The following ADAMTSL1 variants were observed in gnomAD, a reference collection of about 807,000 sequenced individuals.
ADAMTSL1 encodes the protein ADAMTS like 1, also known as ADAMTS-like protein 1.
A neutral mutation model predicts 201.8 loss-of-function variants in ADAMTSL1; 126 were observed. The ratio of observed to expected loss-of-function variants is 0.62; its 90% CI spans 0.54 to 0.72. ADAMTSL1 has a LOEUF of 0.72. Ranked by LOEUF, ADAMTSL1 falls within the 30% of genes least tolerant of loss-of-function variation. ADAMTSL1 has a pLI of 0.00. For synonymous variants in ADAMTSL1, 1,121 were observed against 903.4 expected, an observed-to-expected ratio of 1.24 and a Z score of -4.32; for missense variants, 2,679 against 2,277.8, an observed-to-expected ratio of 1.18 and a Z score of -3.59.
chr9:18,638,573 A>G (rs1587764286), intron 6 of ADAMTSL1, among the ~76,000 whole-genome samples: 1 of 152,136 alleles, frequency 6.6e-6, no homozygotes, highest in Non-Finnish European at 1.5e-5. Context: ...AGGCTTTGTC[A>G]TTGGCCAAAT....
intron 3 of ADAMTSL1, among the ~76,000 whole-genome samples, chr9:18,548,816 AAAAT>A (rs1268815823): frequency 1.3e-5 from 2 of 152,054 alleles, no homozygotes; most frequent in Admixed American, 6.6e-5. Context: ...ATAGATGAAG[AAAAT>A]AAATTATTAG....
chr9:18,889,214 A>T (rs3780222), intron 24 of ADAMTSL1, among the ~76,000 whole-genome samples: 90,955 of 152,118 alleles, frequency 0.6, 27,470 homozygotes, highest in African/African-American at 0.67. Context: ...ATGAGGAAAA[A>T]AAAGTACTGT....
At chr9:18,498,724 T>C (rs954374996) in intron 1 of ADAMTSL1, among the ~76,000 whole-genome samples, 8 of 152,198 alleles carry the variant, frequency 5.3e-5, no homozygotes, top group Non-Finnish European at 8.8e-5. Context: ...GGAAAGTCCG[T>C]CTCACTCTAA....
chr9:18,656,987 A>T (rs1828726538), intron 7 of ADAMTSL1, among the ~76,000 whole-genome samples: 1 of 152,226 alleles, frequency 6.6e-6, no homozygotes, highest in Non-Finnish European at 1.5e-5. Context: ...TTTAAAAGCA[A>T]ATAAATTGTT....
chr9:17,938,416 A>C (rs1469770538), intron 1 of ADAMTSL1, among the ~76,000 whole-genome samples: 1 of 152,146 alleles, frequency 6.6e-6, no homozygotes, highest in Non-Finnish European at 1.5e-5. Context: ...AGATACCCCC[A>C]GGTACTATGC....
chr9:18,423,493 A>T (rs1819056639), intron 2 of ADAMTSL1, among the ~76,000 whole-genome samples: 1 of 152,216 alleles, frequency 6.6e-6, no homozygotes, highest in African/African-American at 2.4e-5. Context: ...TTGAGAGAGA[A>T]GTCATTTAAG....
chr9:18,776,623 C>G (rs3802338), intron 18 of ADAMTSL1, among the ~76,000 whole-genome samples, 158 bp from the exon 19 acceptor site: 1 of 152,172 alleles, frequency 6.6e-6, no homozygotes, highest in East Asian at 1.9e-4. Flanking sequence ...AAATAAACCC[C>G]GAAGAATACT....
chr9:18,688,540 T>C (rs1830984186), intron 13 of ADAMTSL1, among the ~76,000 whole-genome samples: 1 of 149,492 alleles, frequency 6.7e-6, no homozygotes, highest in Non-Finnish European at 1.5e-5. Context: ...TGGTGGTGTG[T>C]GCCTATATTC....
intron 2 of ADAMTSL1, among the ~76,000 whole-genome samples, chr9:18,385,637 G>A (rs1837761956): frequency 6.6e-6 from 1 of 152,136 alleles, no homozygotes. Context: ...AATGTTAGCT[G>A]TAAAATGAAT....
chr9:18,626,240 T>C (rs71506882), intron 5 of ADAMTSL1, among the ~76,000 whole-genome samples: 18,269 of 152,082 alleles, frequency 0.12, 1,380 homozygotes, highest in Middle Eastern at 0.18. Context: ...TTTATCTTCC[T>C]AGGAGCCATG....
At chr9:18,232,238 A>G (rs1489023963) in intron 2 of ADAMTSL1, among the ~76,000 whole-genome samples, 1 of 151,964 alleles carries the variant, frequency 6.6e-6, no homozygotes, top group East Asian at 1.9e-4. Context: ...GATCCTTTAT[A>G]CTTGCTGTTC....
intron 12 of ADAMTSL1, among the ~76,000 whole-genome samples, chr9:18,683,027 G>A (rs948605123): frequency 2.6e-5 from 4 of 152,192 alleles, no homozygotes; most frequent in South Asian, 2.1e-4. Context: ...TCTACATACA[G>A]TAAGTTACTT....
In ADAMTSL1 at chr9:18,405,393, T is replaced by A. The variant is rs1040287651; in HGVS notation, c.208-99436T>A. Among the ~76,000 whole-genome samples the A allele has an allele frequency of 6.6e-5, 10 of 152,178 alleles. 1 individual carries two copies. The highest frequency in any genetic ancestry group is 2.9e-5 in the Non-Finnish European group (2 of 68,034). On this transcript the variant is annotated intron_variant, in intron 2 of 29. Transcript: ENST00000680146. ...GGATGGAAATGGAAGACAATAGTGA[T>A]GACACAGAAAGGTCAGGCAGCAGAT...
intron 1 of ADAMTSL1, among the ~76,000 whole-genome samples, chr9:18,053,267 G>C: frequency 6.6e-6 from 1 of 152,032 alleles, no homozygotes; most frequent in East Asian, 1.9e-4. Context: ...TTATGATCTA[G>C]ATCTTATAAT....
chr9:18,315,951 C>G (rs4452911), intron 2 of ADAMTSL1, among the ~76,000 whole-genome samples: 261 of 152,330 alleles, frequency 1.7e-3, no homozygotes, highest in African/African-American at 5.9e-3. Flanking sequence ...AGGTTCTTTT[C>G]TATTTTCCCT....
intron 2 of ADAMTSL1, among the ~76,000 whole-genome samples, chr9:18,390,115 A>G (rs906488641): frequency 6.6e-6 from 1 of 152,158 alleles, no homozygotes; most frequent in African/African-American, 2.4e-5. Context: ...CTACCATGAG[A>G]TTGTATATAT....
intron 23 of ADAMTSL1, among the ~76,000 whole-genome samples, chr9:18,884,047 GT>G (rs1453695946): frequency 2.0e-5 from 3 of 152,084 alleles, no homozygotes; most frequent in African/African-American, 7.2e-5. Flanking sequence ...ATGCACAAGG[GT>G]TCCAATTTTT....
chr9:17,907,299 C>T (rs1021155571), intron 1 of ADAMTSL1, among the ~76,000 whole-genome samples: 1 of 152,188 alleles, frequency 6.6e-6, no homozygotes, highest in African/African-American at 2.4e-5. Context: ...CCCCCTCTCT[C>T]GTTCCAGGCT....
intron 1 of ADAMTSL1, among the ~76,000 whole-genome samples, chr9:18,058,485 A>G (rs1036566625): frequency 6.6e-6 from 1 of 152,166 alleles, no homozygotes; most frequent in Non-Finnish European, 1.5e-5. Context: ...CATTTGTTAC[A>G]TTTCAGAATA....
Sources: allele counts gnomAD v4.1 joint callset (sites outside exome capture counted in the v4.1 genomes callset), GRCh38; gene constraint gnomAD v4.1.1; transcripts MANE v1.5; gene names NCBI Gene and HGNC (gene_info 2026-07-23, HGNC 2026-07-21).